Variants in HMCN2 observed in about 807,000 individuals in gnomAD.
HMCN2 encodes the protein hemicentin 2.
HMCN2 carries 325 observed loss-of-function variants against 377.5 expected under a neutral mutation model. The observed-to-expected ratio is 0.86, with a 90% CI of 0.79 to 0.94. HMCN2 has a LOEUF of 0.94. Ranked by LOEUF, HMCN2 falls within the 40% of genes least tolerant of loss-of-function variation. The probability of loss-of-function intolerance (pLI) is 0.00; values close to 1 mark genes in which losing one functional copy is unlikely to be tolerated. For synonymous variants in HMCN2, 2,007 were observed against 2,046.8 expected, an observed-to-expected ratio of 0.98 and a Z score of 0.53; for missense variants, 4,543 against 4,725.3, an observed-to-expected ratio of 0.96 and a Z score of 1.13.
At chr9:130,299,983 C>A (rs1037640730) in intron 8 of HMCN2, among the ~76,000 whole-genome samples, 1 of 151,754 alleles carries the variant, frequency 6.6e-6, no homozygotes, top group Non-Finnish European at 1.5e-5. Context: ...ACTCACCCAC[C>A]CATCTACCCA....
intron 4 of HMCN2, among the ~76,000 whole-genome samples, chr9:130,293,974 G>T (rs914626862): frequency 6.6e-5 from 10 of 152,116 alleles, no homozygotes; most frequent in Admixed American, 5.2e-4. Flanking sequence ...GCATGTATGG[G>T]TGGGGGCTGC....
chr9:130,423,615 G>T lies in HMCN2; in HGVS notation c.13381+889G>T, dbSNP rs1489947570. Among the ~76,000 whole-genome samples the T allele has an allele frequency of 6.6e-6, 1 of 152,208 alleles. No individual in the cohort carries two copies. Among genetic ancestry groups the T allele is most frequent in the Non-Finnish European group, 1.5e-5 (1 of 68,052 alleles). ...GGGAAGGTGGTGCCCATGCACAGGGGCCTGGCCAGCTCCTGTGAACCTTGC... is the reference window on the plus strand; with the variant it reads ...GGGAAGGTGGTGCCCATGCACAGGGTCCTGGCCAGCTCCTGTGAACCTTGC... On this transcript the variant is annotated intron_variant, in intron 87 of 97. Coordinates refer to ENST00000683500, the MANE Select transcript of HMCN2 (RefSeq NM_001291815.2). The surrounding 1 kb of genome is among the most constrained non-coding windows in gnomAD (Gnocchi z 5.5).
At chr9:130,411,389 G>T (rs934696366) in intron 85 of HMCN2, among the ~76,000 whole-genome samples, 1 of 151,998 alleles carries the variant, frequency 6.6e-6, no homozygotes, top group Non-Finnish European at 1.5e-5. Context: ...ATCACCTGGG[G>T]TCTGGAGTTC....
At chr9:130,386,390 G>A (rs1842021950) in intron 60 of HMCN2, 53 bp from the exon 61 acceptor site, 1 of 1,197,870 alleles carries the variant, frequency 8.3e-7, no homozygotes. Flanking sequence ...GGGAGCCCTA[G>A]CACCCCACTT....
intron 73 of HMCN2, among the ~76,000 whole-genome samples, 160 bp downstream of exon 73, chr9:130,396,473 C>A (rs1842613512): frequency 6.6e-6 from 1 of 152,130 alleles, no homozygotes; most frequent in South Asian, 2.1e-4. Flanking sequence ...ATGAAGGTCT[C>A]TTGCTTGTTT....
rs1175290298 is a variant in HMCN2, at chr9:130,433,601, GC to G, written c.15150del (p.Gly5051AlafsTer41). On this transcript the variant is annotated frameshift_variant, in exon 98 of 98. Transcript: ENST00000683500. LOFTEE classifies it high-confidence loss of function. ...AVYTRRALTR[A>X]GLYRLTVRAA... ...CTACACCCGTCGCGCGCTCACCCGC[GC>G]CGGCCTCTACCGGCTCACCGTGCGT... The G allele has an allele frequency of 6.6e-7, 1 of 1,513,776 alleles. No homozygotes were observed. The highest frequency in any genetic ancestry group is 1.5e-5 in the African/African-American group (1 of 68,682). The allele number at this position is 1,513,776 out of a possible 1,614,324, so 93.8% of individuals were successfully genotyped here.
chr9:130,362,229 G>A, intron 39 of HMCN2, 64 bp downstream of exon 39: 2 of 970,352 alleles, frequency 2.1e-6, no homozygotes, highest in Non-Finnish European at 2.5e-6. Context: ...TGGGAACAGA[G>A]GTCAGGCCCT....
intron 55 of HMCN2, among the ~76,000 whole-genome samples, 169 bp downstream of exon 55, chr9:130,382,466 A>G (rs952805245): frequency 6.6e-6 from 1 of 152,198 alleles, no homozygotes; most frequent in Non-Finnish European, 1.5e-5. Flanking sequence ...GCAGGTTCCA[A>G]GTCAGAAGCT....
At chr9:130,269,541 G>A (rs1306983409) in intron 1 of HMCN2, among the ~76,000 whole-genome samples, 2 of 147,608 alleles carry the variant, frequency 1.4e-5, no homozygotes, top group Non-Finnish European at 3.0e-5. Context: ...TCAGGGGCCC[G>A]TTTCAGCACA....
chr9:130,395,231 C>G lies in HMCN2; in HGVS notation c.10795C>G (p.Pro3599Ala). The stretch of plus-strand genomic sequence containing the variant: ...CCCAGCCCCTCCAAACATTGTTGGG[C>G]CCCGAGGCCCCCGCTTTGTGGTCGG... ...RVQAPPNIVG[P>A]RGPRFVVGLA... Residue 3599 changes from proline to alanine, a missense_variant, in exon 71 of 98, where the codon CCC becomes GCC. This residue lies in a region of HMCN2 where 1,073 missense variants were observed against 1,319.5 expected (regional missense o/e 0.81). Coordinates refer to ENST00000683500, the MANE Select transcript of HMCN2 (RefSeq NM_001291815.2). 1 of 1,288,818 alleles carries G rather than the reference C, an allele frequency of 7.8e-7. No individual in the cohort carries two copies. Among genetic ancestry groups the G allele is most frequent in the Non-Finnish European group, 1.0e-6 (1 of 988,442 alleles). The allele number at this position is 1,288,818 out of a possible 1,614,324, so 79.8% of individuals were successfully genotyped here.
At chr9:130,380,403 G>A (rs1217654450) in intron 54 of HMCN2, among the ~76,000 whole-genome samples, 8 of 152,130 alleles carry the variant, frequency 5.3e-5, no homozygotes, top group Non-Finnish European at 1.0e-4. Flanking sequence ...GAGATGGGCC[G>A]GCAATGGGGC....
chr9:130,277,955 C>T (rs1195357187), intron 1 of HMCN2, among the ~76,000 whole-genome samples: 2 of 93,270 alleles, frequency 2.1e-5, no homozygotes, highest in Non-Finnish European at 4.2e-5. Flanking sequence ...ATCATCATCA[C>T]CACCACCACC....
chr9:130,417,767 G>A (rs903349504), intron 85 of HMCN2, among the ~76,000 whole-genome samples: 4 of 152,200 alleles, frequency 2.6e-5, no homozygotes, highest in African/African-American at 9.6e-5. Context: ...GGGCCTCCTG[G>A]CCTCCACAGT....
At chr9:130,307,358 G>C in intron 13 of HMCN2, 95 bp from the exon 14 acceptor site, 1 of 460,050 alleles carries the variant, frequency 2.2e-6, no homozygotes. Context: ...GGTGTGGTGA[G>C]TTGGGATGAG....
chr9:130,276,124 T>A (rs1413088152), intron 1 of HMCN2, among the ~76,000 whole-genome samples: 2 of 2,078 alleles, frequency 9.6e-4, no homozygotes, highest in South Asian at 0.019. Context: ...CAGGGGTGGG[T>A]GGGTGGGTGT....
At chr9:130,429,951 GGA>G in intron 94 of HMCN2, 1 of 633,486 alleles carries the variant, frequency 1.6e-6, no homozygotes, top group East Asian at 2.9e-5. Flanking sequence ...GGGAATTTCA[GGA>G]GGGGGAGGAC....
At chr9:130,301,209 T>G (rs1554934313) in intron 8 of HMCN2, among the ~76,000 whole-genome samples, 1 of 152,214 alleles carries the variant, frequency 6.6e-6, no homozygotes. Flanking sequence ...GCCTCCCAGC[T>G]TCCACTCCCC....
Position 130,393,666 on chromosome 9 carries a change from G to A in HMCN2, c.10235-76G>A, listed in dbSNP as rs1564849291. On this transcript the variant is annotated intron_variant, in intron 67 of 97. Transcript: ENST00000683500. The surrounding 1 kb of genome is among the most constrained non-coding windows in gnomAD (Gnocchi z 5.2). ...GGACCAGGGCGGCTTCCTGGAAGAG[G>A]TGATGTCTAAGCTGAGTACTGGAGA... 2 of 1,169,760 alleles carry A rather than the reference G, an allele frequency of 1.7e-6. No homozygotes were observed. The highest frequency in any genetic ancestry group is 3.8e-5 in the Admixed American group (1 of 26,016). 72.5% of individuals were successfully genotyped at this position (1,169,760 alleles called of 1,614,324 possible). A position where few individuals can be genotyped will look rare whatever the true frequency, so the allele number is the denominator to read the frequency against.
At position 130,349,772 on chromosome 9, in the gene HMCN2, C is replaced by T; in HGVS notation, c.4430+109C>T. 6 of 1,098,706 alleles carry T rather than the reference C, an allele frequency of 5.5e-6. No homozygotes were observed. In the South Asian group the frequency reaches 9.2e-5, roughly 17 times the overall value. The allele number at this position is 1,098,706 out of a possible 1,614,324, so 68.1% of individuals were successfully genotyped here. A position where few individuals can be genotyped will look rare whatever the true frequency, so the allele number is the denominator to read the frequency against. ...CTTCTTGGGGAGCTGACAGGCATGGCATGTGCCACCCAGGGCCCAGACTGA... is the reference window on the plus strand; with the variant it reads ...CTTCTTGGGGAGCTGACAGGCATGGTATGTGCCACCCAGGGCCCAGACTGA... On this transcript the variant is annotated intron_variant, in intron 29 of 97. Coordinates refer to ENST00000683500, the MANE Select transcript of HMCN2 (RefSeq NM_001291815.2).
Sources: gnomAD v4.1 joint callset for allele counts (sites outside exome capture counted in the v4.1 genomes callset) on GRCh38, gnomAD v4.1.1 for gene constraint, gnomAD v4.1.1 regional missense constraint, Gnocchi (gnomAD v3.1) non-coding constraint, MANE v1.5 for transcripts, NCBI Gene and HGNC (gene_info 2026-07-23, HGNC 2026-07-21) for gene names.